Variants in DPP6 observed in about 807,000 individuals in gnomAD.
The protein encoded by DPP6 is A-type potassium channel modulatory protein DPP6.
A neutral mutation model predicts 122.6 loss-of-function variants in DPP6; 69 were observed. The observed-to-expected ratio is 0.56, with a 90% CI of 0.46 to 0.69. DPP6 has a LOEUF of 0.69. Ranked by LOEUF, DPP6 falls within the 30% of genes least tolerant of loss-of-function variation. The pLI is 0.00. For synonymous variants in DPP6, 418 were observed against 433.1 expected (o/e 0.97, Z 0.43); for missense variants, 928 against 1,116.9 (o/e 0.83, Z 2.41).
rs549273165 is a variant in DPP6, at chr7:154,260,665, G to GTA, written c.244-185538_244-185537dup. The stretch of plus-strand genomic sequence containing the variant: ...TTTTATGGCTGAGTAGTATTCCTTC[G>GTA]TATATATATATAATACATATATATG... On this transcript the variant is annotated intron_variant, in intron 1 of 25. Transcript: ENST00000377770. Among the ~76,000 whole-genome samples the GTA allele has an allele frequency of 6.1e-3, 885 of 145,000 alleles. 6 individuals carry two copies. The highest frequency in any genetic ancestry group is 0.018 in the Middle Eastern group (5 of 274).
At chr7:154,475,227 T>C in intron 3 of DPP6, 190 bp downstream of exon 3, 1 of 601,176 alleles carries the variant, frequency 1.7e-6, no homozygotes, top group Non-Finnish European at 3.1e-6. Context: ...AATCAGGCTT[T>C]TGTAATGGTG....
At chr7:153,846,471 A>T in the DPP6 span, among the ~76,000 whole-genome samples, 5 of 151,986 alleles carry the variant, frequency 3.3e-5, no homozygotes, top group Non-Finnish European at 5.9e-5. Context: ...TGATGAATTC[A>T]ACTTATTAAT....
At chr7:154,543,021 T>C (rs914937089) in intron 4 of DPP6, among the ~76,000 whole-genome samples, 3 of 152,186 alleles carry the variant, frequency 2.0e-5, no homozygotes, top group Non-Finnish European at 2.9e-5. Flanking sequence ...AGGTGAAGCC[T>C]GGTGTTCCAC....
intron 16 of DPP6, among the ~76,000 whole-genome samples, chr7:154,808,943 G>A (rs1052495601): frequency 3.3e-5 from 5 of 152,304 alleles, no homozygotes; most frequent in Admixed American, 6.5e-5. Context: ...AGCCTCCATC[G>A]TGGAGATCCT....
chr7:154,227,664 C>T (rs1800690225), intron 1 of DPP6, among the ~76,000 whole-genome samples: 1 of 150,756 alleles, frequency 6.6e-6, no homozygotes, highest in Non-Finnish European at 1.5e-5. Context: ...CACTCTGCTC[C>T]TCTCCCCTAC....
At chr7:153,857,911 G>GA in the DPP6 span, among the ~76,000 whole-genome samples, 1 of 152,172 alleles carries the variant, frequency 6.6e-6, no homozygotes, top group Admixed American at 6.5e-5. Flanking sequence ...ACAGGTTGAA[G>GA]AAATCAATTG....
intron 21 of DPP6, among the ~76,000 whole-genome samples, chr7:154,883,111 A>C: frequency 6.6e-6 from 1 of 150,932 alleles, no homozygotes; most frequent in Non-Finnish European, 1.5e-5. Context: ...ATGCTCTCAC[A>C]TACATGTGCT....
intron 1 of DPP6, among the ~76,000 whole-genome samples, chr7:154,029,603 T>C (rs1799124196): frequency 6.7e-6 from 1 of 149,270 alleles, no homozygotes; most frequent in African/African-American, 2.5e-5. Flanking sequence ...TCCCAGCACT[T>C]TGGGAGGCTG....
chr7:154,267,561 A>G (rs1803507524), intron 1 of DPP6, among the ~76,000 whole-genome samples: 1 of 151,204 alleles, frequency 6.6e-6, no homozygotes, highest in South Asian at 2.1e-4. Context: ...ACACATATAC[A>G]CACATGTACA....
intron 3 of DPP6, among the ~76,000 whole-genome samples, chr7:154,531,548 G>T (rs777625291): frequency 2.0e-5 from 3 of 152,010 alleles, no homozygotes; most frequent in African/African-American, 4.8e-5. Flanking sequence ...ATTTCATCAC[G>T]GAAGAAAATG....
At chr7:154,382,601 G>A (rs541702109) in intron 1 of DPP6, among the ~76,000 whole-genome samples, 7 of 152,352 alleles carry the variant, frequency 4.6e-5, no homozygotes, top group South Asian at 2.1e-4. Flanking sequence ...TGCGCTCAGC[G>A]CTCAGCGCTC....
the DPP6 span, among the ~76,000 whole-genome samples, chr7:153,761,278 C>A: frequency 6.6e-6 from 1 of 152,048 alleles, no homozygotes; most frequent in Admixed American, 6.6e-5. Flanking sequence ...TTAGTACATA[C>A]CTTTTGATTT....
intron 1 of DPP6, among the ~76,000 whole-genome samples, chr7:153,975,810 A>G (rs1319106175): frequency 6.6e-6 from 1 of 152,222 alleles, no homozygotes; most frequent in African/African-American, 2.4e-5. Context: ...TGAAGTCAAA[A>G]AGCTTGAAAT....
intron 1 of DPP6, among the ~76,000 whole-genome samples, chr7:154,329,799 C>T (rs1477616575): frequency 2.6e-5 from 4 of 152,148 alleles, no homozygotes; most frequent in Non-Finnish European, 5.9e-5. Flanking sequence ...CAATGATAGA[C>T]TGAATAAAGA....
intron 8 of DPP6, among the ~76,000 whole-genome samples, chr7:154,766,261 C>A (rs2131535140): frequency 6.6e-6 from 1 of 152,266 alleles, no homozygotes; most frequent in Non-Finnish European, 1.5e-5. Context: ...TCACACACAC[C>A]AGATACCTGT....
chr7:154,729,087 G>A (rs904718992), intron 8 of DPP6, among the ~76,000 whole-genome samples: 1 of 152,206 alleles, frequency 6.6e-6, no homozygotes, highest in African/African-American at 2.4e-5. Flanking sequence ...CACAAGGTAA[G>A]GAATATTTAT....
In DPP6 at chr7:154,232,470, ACT is replaced by A. The variant is rs1053698302; in HGVS notation, c.243+179410_243+179411del. 1.8e-4 allele frequency among the ~76,000 whole-genome samples: 27 copies of A among 151,976 alleles called. 1 individual carries two copies. Among genetic ancestry groups the A allele is most frequent in the African/African-American group, 5.1e-4 (21 of 41,436 alleles). On this transcript the variant is annotated intron_variant, in intron 1 of 25. Transcript: ENST00000377770. ...TAGATAAGTACCATCAGAACAAGAA[ACT>A]CTGTCTGGATTGGAATGGTGTTAAG...
chr7:154,183,752 G>A (rs1169607641), intron 1 of DPP6, among the ~76,000 whole-genome samples: 3 of 152,160 alleles, frequency 2.0e-5, no homozygotes, highest in Non-Finnish European at 2.9e-5. Context: ...CCCCACAGGC[G>A]CAGTCAGTGC....
rs145106384 is a variant in DPP6 at position 154,885,291 on chromosome 7, G to A, written c.2134-342G>A. The A allele has an allele frequency of 1.4e-3, 296 of 217,748 alleles. 1 individual carries two copies. The highest frequency in any genetic ancestry group is 6.0e-3 in the African/African-American group (259 of 43,498). 13.5% of individuals were successfully genotyped at this position (217,748 alleles called of 1,614,324 possible). ...GGCCTCACCCACAGACAAGGGAGGC[G>A]GTAAGAAATGCCATAAAGAGACGCT... On this transcript the variant is annotated intron_variant, in intron 21 of 25. Transcript: ENST00000377770.
Sources: gnomAD v4.1 joint callset for allele counts (sites outside exome capture counted in the v4.1 genomes callset) on GRCh38, gnomAD v4.1.1 for gene constraint, MANE v1.5 for transcripts, NCBI Gene and HGNC (gene_info 2026-07-23, HGNC 2026-07-21) for gene names.